Variants in PID1 observed in about 807,000 individuals in gnomAD.
PID1 encodes the protein PTB-containing, cubilin and LRP1-interacting protein.
PID1 carries 10 observed loss-of-function variants against 19.1 expected under a neutral mutation model. That is an observed-to-expected ratio of 0.52 (90% CI 0.32 to 0.89). PID1 has a LOEUF of 0.89. Ranked by LOEUF, PID1 falls within the 40% of genes least tolerant of loss-of-function variation. The pLI, the probability that PID1 is intolerant of heterozygous loss-of-function variation, is 0.03. For synonymous variants in PID1, 130 were observed against 116.0 expected (o/e 1.12, Z -0.78); for missense variants, 248 against 285.3 (o/e 0.87, Z 0.94).
intron 2 of PID1, among the ~76,000 whole-genome samples, chr2:229,052,203 C>A (rs1694009488): frequency 6.6e-6 from 1 of 152,084 alleles, no homozygotes; most frequent in South Asian, 2.1e-4. Flanking sequence ...TGAAGGCATT[C>A]TCATAATTCA....
chr2:229,140,597 C>T (rs1032162789), intron 2 of PID1, among the ~76,000 whole-genome samples: 1 of 152,052 alleles, frequency 6.6e-6, no homozygotes, highest in Non-Finnish European at 1.5e-5. Flanking sequence ...TTGCATCTGA[C>T]AAGAAGTCAG....
Position 229,025,332 on chromosome 2 carries a change from C to T in PID1, c.*300G>A, listed in dbSNP as rs960697477. The T allele has an allele frequency of 1.1e-5, 4 of 353,254 alleles. No individual in the cohort carries two copies. Among genetic ancestry groups the T allele is most frequent in the Middle Eastern group, 8.6e-4 (1 of 1,162 alleles). The allele number at this position is 353,254 out of a possible 1,614,324, so 21.9% of individuals were successfully genotyped here. A position where few individuals can be genotyped will look rare whatever the true frequency, so the allele number is the denominator to read the frequency against. On this transcript the variant is annotated 3_prime_UTR_variant, in exon 3 of 3. Coordinates refer to ENST00000392055, the MANE Select transcript of PID1 (RefSeq NM_001100818.2). ...AGTATTTGCCTGAGCGTGGTGAAAA[C>T]TGGCATGGAGCTCTCCCACAGAGAG...
At chr2:229,040,627 AC>A (rs1240640920) in intron 2 of PID1, among the ~76,000 whole-genome samples, 8 of 152,190 alleles carry the variant, frequency 5.3e-5, no homozygotes, top group Non-Finnish European at 1.2e-4. Flanking sequence ...TCAACATATA[AC>A]CAAAGTAAAA....
At chr2:229,141,467 T>C (rs1226867421) in intron 2 of PID1, among the ~76,000 whole-genome samples, 2 of 152,152 alleles carry the variant, frequency 1.3e-5, no homozygotes, top group Admixed American at 6.6e-5. Flanking sequence ...AGTAAGCACC[T>C]GTTTTGCACC....
chr2:229,091,366 G>GA (rs35599164), intron 2 of PID1, among the ~76,000 whole-genome samples: 54,797 of 141,016 alleles, frequency 0.39, 12,545 homozygotes, highest in African/African-American at 0.67. Context: ...CTCTGGTAAA[G>GA]AAAAAAAAAA....
intron 1 of PID1, among the ~76,000 whole-genome samples, chr2:229,203,928 C>A (rs1197720057): frequency 6.6e-6 from 1 of 152,012 alleles, no homozygotes. Flanking sequence ...ATAACTGGAC[C>A]TTATTGTAAT....
chr2:229,140,959 C>A (rs1173049231), intron 2 of PID1, among the ~76,000 whole-genome samples: 1 of 149,864 alleles, frequency 6.7e-6, no homozygotes, highest in Non-Finnish European at 1.5e-5. Context: ...TTTTACTGAC[C>A]ATGAACAAAT....
At chr2:229,078,140 C>T (rs780521667) in intron 2 of PID1, among the ~76,000 whole-genome samples, 21 of 152,180 alleles carry the variant, frequency 1.4e-4, no homozygotes, top group South Asian at 2.1e-4. Flanking sequence ...TGTATTCCTA[C>T]GTATTTTGTT....
intron 1 of PID1, among the ~76,000 whole-genome samples, chr2:229,239,222 A>C (rs1242691650): frequency 6.6e-6 from 1 of 152,170 alleles, no homozygotes; most frequent in Non-Finnish European, 1.5e-5. Context: ...GGAGGGGCCA[A>C]GAATTTGCAT....
chr2:229,084,478 G>A (rs1469294800), intron 2 of PID1, among the ~76,000 whole-genome samples: 1 of 152,138 alleles, frequency 6.6e-6, no homozygotes, highest in African/African-American at 2.4e-5. Context: ...CGATTGAGCT[G>A]GCAATAGTGA....
chr2:229,201,364 G>T (rs1691495501), intron 1 of PID1, among the ~76,000 whole-genome samples: 1 of 152,002 alleles, frequency 6.6e-6, no homozygotes, highest in African/African-American at 2.4e-5. Context: ...TCAGAAAAGT[G>T]GACACATACT....
chr2:229,034,653 A>G (rs1447706439), intron 2 of PID1, among the ~76,000 whole-genome samples: 1 of 152,104 alleles, frequency 6.6e-6, no homozygotes, highest in Non-Finnish European at 1.5e-5. Context: ...TACCCTGGAG[A>G]CACCCATAAC....
At chr2:229,042,776 T>G (rs1315063087) in intron 2 of PID1, among the ~76,000 whole-genome samples, 1 of 152,180 alleles carries the variant, frequency 6.6e-6, no homozygotes, top group African/African-American at 2.4e-5. Context: ...ATTTTCATAT[T>G]CTTAACATAA....
intron 1 of PID1, chr2:229,227,897 G>A (rs933596274): frequency 2.7e-5 from 12 of 447,034 alleles, no homozygotes; most frequent in South Asian, 7.9e-5. Context: ...ATCTAGAGAT[G>A]ATGGAAAATA....
At chr2:229,166,276 G>A (rs980509979) in intron 1 of PID1, among the ~76,000 whole-genome samples, 5 of 152,200 alleles carry the variant, frequency 3.3e-5, no homozygotes, top group Non-Finnish European at 5.9e-5. Context: ...GATAGTGACT[G>A]AGAGGAGATC....
intron 2 of PID1, among the ~76,000 whole-genome samples, chr2:229,057,765 T>A (rs1241655295): frequency 6.6e-6 from 1 of 152,164 alleles, no homozygotes; most frequent in Non-Finnish European, 1.5e-5. Context: ...TCCAGGGAGA[T>A]GTTGACAAGG....
chr2:229,206,930 G>T (rs143330959), intron 1 of PID1, among the ~76,000 whole-genome samples: 5 of 152,138 alleles, frequency 3.3e-5, no homozygotes, highest in Admixed American at 6.5e-5. Context: ...CTGGGGTGAC[G>T]CTTAATAGCT....
chr2:229,262,029 T>C (rs1460373050), intron 1 of PID1, among the ~76,000 whole-genome samples: 2 of 152,074 alleles, frequency 1.3e-5, no homozygotes, highest in East Asian at 3.9e-4. Context: ...TGACATACCA[T>C]GAGGCTCACC....
chr2:229,238,439 G>T (rs1225683693), intron 1 of PID1, among the ~76,000 whole-genome samples: 1 of 152,172 alleles, frequency 6.6e-6, no homozygotes, highest in Non-Finnish European at 1.5e-5. Context: ...CTTCCAGAAA[G>T]AGAGAAACTT....
Sources: allele counts gnomAD v4.1 joint callset (sites outside exome capture counted in the v4.1 genomes callset), GRCh38; gene constraint gnomAD v4.1.1; transcripts MANE v1.5; gene names NCBI Gene and HGNC (gene_info 2026-07-23, HGNC 2026-07-21).